CCSER1: variants seen among roughly 807,000 people sequenced by gnomAD.
CCSER1 encodes the protein coiled-coil serine rich protein 1.
A neutral mutation model predicts 82.0 loss-of-function variants in CCSER1; 41 were observed. The ratio of observed to expected loss-of-function variants is 0.50; its 90% confidence interval spans 0.39 to 0.65. The LOEUF (loss-of-function observed/expected upper bound fraction) is 0.65. CCSER1 is among the 30% of genes least tolerant of loss of function. The pLI is 0.00. For missense variants in CCSER1, 1,119 were observed against 1,064.2 expected, an observed-to-expected ratio of 1.05 and a Z score of -0.72; for synonymous variants, 414 against 383.9, an observed-to-expected ratio of 1.08 and a Z score of -0.92.
chr4:91,180,723 C>T (rs986526463), intron 10 of CCSER1, among the ~76,000 whole-genome samples: 4 of 152,078 alleles, frequency 2.6e-5, no homozygotes, highest in African/African-American at 9.7e-5. Flanking sequence ...AACTCAGCGG[C>T]ACTAGAGGAA....
rs890013173 is a variant in CCSER1, at chr4:91,397,959, C to T, written c.2218-200613C>T. Among the ~76,000 whole-genome samples the T allele has an allele frequency of 3.9e-5, 6 of 151,918 alleles. No homozygotes were observed. The East Asian group carries it at 1.2e-3, about 29-fold the overall frequency. On this transcript the variant is annotated intron_variant, in intron 10 of 10. Coordinates refer to ENST00000509176, the MANE Select transcript of CCSER1 (RefSeq NM_001145065.2). ...TGGGTAGAGAGGCTAGAAATGGAAG[C>T]ACCTTGTACATTTTGCAGAGAAATG...
chr4:90,332,247 A>G (rs565792871), intron 3 of CCSER1, among the ~76,000 whole-genome samples: 2 of 151,478 alleles, frequency 1.3e-5, no homozygotes, highest in African/African-American at 4.8e-5. Flanking sequence ...TATTTTTTTG[A>G]GATGGAGTTT....
chr4:90,756,373 T>G (rs1749529670), intron 7 of CCSER1, among the ~76,000 whole-genome samples: 1 of 152,190 alleles, frequency 6.6e-6, no homozygotes, highest in Non-Finnish European at 1.5e-5. Context: ...CCTCTCCATA[T>G]TCAACTCTTA....
At chr4:91,454,983 T>C (rs1046617234) in intron 10 of CCSER1, among the ~76,000 whole-genome samples, 1 of 152,126 alleles carries the variant, frequency 6.6e-6, no homozygotes, top group Non-Finnish European at 1.5e-5. Flanking sequence ...ATTCTAATTT[T>C]AAGGAGACTA....
chr4:91,344,375 C>T (rs532039159), intron 10 of CCSER1, among the ~76,000 whole-genome samples: 3 of 152,172 alleles, frequency 2.0e-5, no homozygotes, highest in South Asian at 2.1e-4. Context: ...ACTAAGACTT[C>T]GGCATAATAA....
At position 90,478,718 on chromosome 4, in the gene CCSER1, ACTTT is replaced by A. The variant is rs1043792834; in HGVS notation, c.1724+10377_1724+10380del. 9.2e-3 allele frequency among the ~76,000 whole-genome samples: 1,373 copies of A among 149,818 alleles called. 31 individuals are homozygous for A. The highest frequency in any genetic ancestry group is 0.066 in the Admixed American group (980 of 14,864). ...ACAATTTAAAAAAAGAATAAATTGT[ACTTT>A]CTTTCTTTCTTTTTTTTTTTTTTTT... On this transcript the variant is annotated intron_variant, in intron 5 of 10. Transcript: ENST00000509176.
chr4:90,811,378 T>G (rs1281417392), intron 7 of CCSER1, among the ~76,000 whole-genome samples: 1 of 152,168 alleles, frequency 6.6e-6, no homozygotes. Flanking sequence ...GCTGAAGAGT[T>G]TTGATTTTCT....
chr4:91,491,307 G>T (rs1758529701), intron 10 of CCSER1, among the ~76,000 whole-genome samples: 1 of 151,982 alleles, frequency 6.6e-6, no homozygotes, highest in East Asian at 2.0e-4. Context: ...GGGGTCAGAG[G>T]CAAGTTATCA....
Position 91,603,694 on chromosome 4 carries a change from A to ACAT in CCSER1, c.*4638_*4640dup, listed in dbSNP as rs1764888962. ...ATCCTACATCTTTCATTCTTTCCAAACATTACCTCTTTAGTAAATTCGGGT... is the reference window on the plus strand; with the variant it reads ...ATCCTACATCTTTCATTCTTTCCAAACATCATTACCTCTTTAGTAAATTCGGGT... On this transcript the variant is annotated 3_prime_UTR_variant, in exon 11 of 11. Transcript: ENST00000509176. 1 of 152,120 alleles carries ACAT rather than the reference A, an allele frequency of 6.6e-6. No individual in the cohort carries two copies. The highest frequency in any genetic ancestry group is 1.9e-4 in the East Asian group (1 of 5,192). 9.4% of individuals were successfully genotyped at this position (152,120 alleles called of 1,614,324 possible).
At chr4:91,528,487 T>C (rs1380986410) in intron 10 of CCSER1, among the ~76,000 whole-genome samples, 1 of 152,136 alleles carries the variant, frequency 6.6e-6, no homozygotes, top group African/African-American at 2.4e-5. Context: ...AAAAGAGACA[T>C]ATTTCCAAAA....
intron 9 of CCSER1, among the ~76,000 whole-genome samples, chr4:90,924,070 C>T (rs1273086455): frequency 6.6e-6 from 1 of 151,992 alleles, no homozygotes; most frequent in Non-Finnish European, 1.5e-5. Flanking sequence ...TTTTCTTAAA[C>T]ACAGCTAAGA....
chr4:90,866,856 C>T (rs181705416), intron 8 of CCSER1, among the ~76,000 whole-genome samples: 2 of 152,084 alleles, frequency 1.3e-5, no homozygotes, highest in Admixed American at 1.3e-4. Context: ...GAGCCTGCAA[C>T]CTAAATCCCT....
chr4:91,490,908 ATATATATATATATATATAT>A (rs1758492803), intron 10 of CCSER1, among the ~76,000 whole-genome samples: 4 of 80,138 alleles, frequency 5.0e-5, no homozygotes, highest in African/African-American at 1.7e-4. Flanking sequence ...ATATATATAT[ATATATATATATATATATAT>A]AAAATATGCG....
At chr4:90,212,264 A>G (rs748178276) in intron 1 of CCSER1, among the ~76,000 whole-genome samples, 51 of 152,186 alleles carry the variant, frequency 3.4e-4, no homozygotes, top group Non-Finnish European at 5.7e-4. Context: ...GTATGTATAT[A>G]TATCTCCACC....
chr4:91,326,905 C>CT (rs1746604266), intron 10 of CCSER1, among the ~76,000 whole-genome samples: 1 of 152,188 alleles, frequency 6.6e-6, no homozygotes, highest in African/African-American at 2.4e-5. Flanking sequence ...TCCTCTGACT[C>CT]TATGTCTCAC....
chr4:91,250,331 C>T (rs1433437775), intron 10 of CCSER1, among the ~76,000 whole-genome samples: 1 of 151,896 alleles, frequency 6.6e-6, no homozygotes, highest in Non-Finnish European at 1.5e-5. Flanking sequence ...ATATGGAGCA[C>T]TTATTTATGC....
chr4:90,690,167 GC>G (rs1735566322), intron 6 of CCSER1, among the ~76,000 whole-genome samples: 1 of 151,990 alleles, frequency 6.6e-6, no homozygotes, highest in Non-Finnish European at 1.5e-5. Context: ...TGGAAGGGGT[GC>G]TAAGCCTTAA....
intron 7 of CCSER1, among the ~76,000 whole-genome samples, chr4:90,769,882 G>T (rs570310327): frequency 6.6e-6 from 1 of 152,300 alleles, no homozygotes; most frequent in African/African-American, 2.4e-5. Context: ...GCAGAGTATA[G>T]TGATCCTCAA....
chr4:91,493,107 A>G (rs1758635727), intron 10 of CCSER1, among the ~76,000 whole-genome samples: 1 of 151,944 alleles, frequency 6.6e-6, no homozygotes, highest in African/African-American at 2.4e-5. Flanking sequence ...AGTTTTCCAT[A>G]GAAGTAAACG....
Sources: allele counts gnomAD v4.1 joint callset (sites outside exome capture counted in the v4.1 genomes callset), GRCh38; gene constraint gnomAD v4.1.1; transcripts MANE v1.5; gene names NCBI Gene and HGNC (gene_info 2026-07-23, HGNC 2026-07-21).